The following MBTPS2 variants were observed in gnomAD, a reference collection of about 807,000 sequenced individuals.
The protein encoded by MBTPS2 is membrane-bound transcription factor site-2 protease.
In MBTPS2, 2 loss-of-function variants were observed where a neutral mutation model predicts 35.4. That is an observed-to-expected ratio of 0.06 (90% CI 0.02 to 0.18). The LOEUF (loss-of-function observed/expected upper bound fraction) is 0.18. Among genes scored for constraint, MBTPS2 ranks in the 10% least tolerant of loss-of-function variants. The pLI, the probability that MBTPS2 is intolerant of heterozygous loss-of-function variation, is 1.00. For missense variants in MBTPS2, 244 were observed against 386.5 expected (o/e 0.63, Z 3.09); for synonymous variants, 125 against 140.4 (o/e 0.89, Z 0.77).
chrX:21,860,030 T>C (rs1229579469), intron 5 of MBTPS2, among the ~76,000 whole-genome samples: 1 of 105,040 alleles, frequency 9.5e-6, no homozygotes, highest in Non-Finnish European at 1.9e-5. Flanking sequence ...AAGTCGAGGC[T>C]GCGGTGAGCC....
chrX:21,869,228 G>T (rs1326948276), intron 6 of MBTPS2, among the ~76,000 whole-genome samples: 1 of 111,957 alleles, frequency 8.9e-6, no homozygotes, highest in East Asian at 2.8e-4. Flanking sequence ...TTGGCAGTTT[G>T]GGAAAAAATT....
In MBTPS2 at chrX:21,882,428, C is replaced by T; in HGVS notation, c.1338-5C>T. ...CAGTTGGTTCCTTAACTGATTTTAA[C>T]CCAGGTACCTGATTTCCCTCTCAGG... On this transcript the variant is annotated splice_polypyrimidine_tract_variant and splice_region_variant and intron_variant, in intron 10 of 10. Transcript: ENST00000379484. 1.7e-6 allele frequency: 2 copies of T among 1,202,784 alleles called. No individual in the cohort carries two copies. Among genetic ancestry groups the T allele is most frequent in the Non-Finnish European group, 2.3e-6 (2 of 887,276 alleles).
rs1311438575 is a variant in MBTPS2 at position 21,883,954 on chromosome X, A to G, written c.*1299A>G. ...GCTTGCTGTTTCTTTGATGGAAAAT[A>G]CATGCTTCTCTTGTATACTCAGAAG... On this transcript the variant is annotated 3_prime_UTR_variant, in exon 11 of 11. Coordinates refer to ENST00000379484, the MANE Select transcript of MBTPS2 (RefSeq NM_015884.4). The G allele has an allele frequency of 4.0e-6, 3 of 751,908 alleles. No individual in the cohort carries two copies. Among genetic ancestry groups the G allele is most frequent in the East Asian group, 1.5e-4 (1 of 6,579 alleles). 62.0% of individuals were successfully genotyped at this position (751,908 alleles called of 1,213,427 possible).
chrX:21,876,138 T>A (rs775495568), intron 7 of MBTPS2, among the ~76,000 whole-genome samples: 1 of 112,435 alleles, frequency 8.9e-6, no homozygotes, highest in South Asian at 3.7e-4. Flanking sequence ...ACTTTTTACC[T>A]TATACTTTAC....
At chrX:21,877,710 A>G (rs2092954726) in intron 7 of MBTPS2, among the ~76,000 whole-genome samples, 1 of 112,015 alleles carries the variant, frequency 8.9e-6, no homozygotes, top group Non-Finnish European at 1.9e-5. Flanking sequence ...TCAGGCACAT[A>G]ATAGTAGTTC....
Position 21,882,650 on chromosome X carries a change from C to T in MBTPS2, c.1555C>T (p.Arg519Trp), listed in dbSNP as rs758206338. ...VTLGLWMVTAR is the reference protein window; with the variant it reads ...VTLGLWMVTAW ...CCTGGGACTCTGGATGGTTACAGCA[C>T]GGTAATGTTTGCACTCATCTGACAG... Residue 519 changes from arginine (R) to tryptophan (W), a missense_variant, in exon 11 of 11, where the codon CGG becomes TGG. Transcript: ENST00000379484. The T allele has an allele frequency of 4.1e-6, 5 of 1,209,314 alleles. No individual in the cohort carries two copies. The highest frequency in any genetic ancestry group is 5.6e-6 in the Non-Finnish European group (5 of 893,631).
At position 21,840,814 on chromosome X, in the gene MBTPS2, T is replaced by C. The variant is rs948154089; in HGVS notation, c.75+1005T>C. On this transcript the variant is annotated intron_variant, in intron 1 of 10. Coordinates refer to ENST00000379484, the MANE Select transcript of MBTPS2 (RefSeq NM_015884.4). Reference sequence around the variant, plus strand: ...AACTTGTAAAGTGCAGGAGGTTACATAGCGTAGTCCTTAGATCCAGGGCTG... The same window carrying C: ...AACTTGTAAAGTGCAGGAGGTTACACAGCGTAGTCCTTAGATCCAGGGCTG... Among the ~76,000 whole-genome samples, 15 of 112,313 alleles carry C rather than the reference T, an allele frequency of 1.3e-4. 1 individual carries two copies. Among genetic ancestry groups the C allele is most frequent in the African/African-American group, 4.9e-4 (15 of 30,907 alleles).
chrX:21,851,733 C>G, intron 4 of MBTPS2, 121 bp downstream of exon 4: 1 of 539,164 alleles, frequency 1.9e-6, no homozygotes. Flanking sequence ...CGGCTATTGC[C>G]TAGTGCATAG....
At chrX:21,862,945 T>TATATATATATATATATATATA (rs2092934397) in intron 5 of MBTPS2, among the ~76,000 whole-genome samples, 1 of 47,955 alleles carries the variant, frequency 2.1e-5, no homozygotes, top group Non-Finnish European at 3.5e-5. Context: ...TATATATATA[T>TATATATATATATATATATATA]ATATATATAT....
intron 7 of MBTPS2, chrX:21,872,100 A>G (rs1378096597): frequency 9.0e-6 from 1 of 111,630 alleles, no homozygotes; most frequent in African/African-American, 3.2e-5. Flanking sequence ...TTAAGATGAC[A>G]GAAGATTAAT....
intron 4 of MBTPS2, among the ~76,000 whole-genome samples, chrX:21,851,871 G>A (rs1363840655): frequency 9.0e-6 from 1 of 111,408 alleles, no homozygotes; most frequent in Non-Finnish European, 1.9e-5. Flanking sequence ...TTCCAGTGTG[G>A]TTATCCTCAT....
intron 3 of MBTPS2, among the ~76,000 whole-genome samples, chrX:21,846,169 T>A (rs2092908466): frequency 9.0e-6 from 1 of 111,145 alleles, no homozygotes; most frequent in African/African-American, 3.3e-5. Flanking sequence ...ATAGCTCTTT[T>A]TTAGAGATTA....
At chrX:21,845,746 C>A (rs1393217971) in intron 3 of MBTPS2, among the ~76,000 whole-genome samples, 1 of 112,345 alleles carries the variant, frequency 8.9e-6, no homozygotes, top group East Asian at 2.8e-4. Flanking sequence ...TAATTATATG[C>A]AAAGTGTTTC....
intron 7 of MBTPS2, 127 bp from the exon 8 acceptor site, chrX:21,877,915 C>A: frequency 2.1e-6 from 1 of 484,493 alleles, no homozygotes; most frequent in East Asian, 3.6e-5. Context: ...TCAAGCTGAA[C>A]TCTGAATTAT....
intron 9 of MBTPS2, among the ~76,000 whole-genome samples, chrX:21,880,349 TAC>T (rs2092958030): frequency 1.8e-5 from 2 of 111,694 alleles, no homozygotes; most frequent in African/African-American, 6.5e-5. Flanking sequence ...GACACTAAAT[TAC>T]TGTAGACTGT....
intron 7 of MBTPS2, chrX:21,870,294 A>G (rs2092945766): frequency 9.0e-6 from 1 of 110,923 alleles, no homozygotes; most frequent in African/African-American, 3.3e-5. Flanking sequence ...AAATACCCCA[A>G]TATAATATTA....
At chrX:21,856,473 T>C in intron 5 of MBTPS2, 2 of 1,199,358 alleles carry the variant, frequency 1.7e-6, no homozygotes, top group Non-Finnish European at 2.3e-6. Context: ...CTAACCTAAC[T>C]AACTCTCAGC....
At chrX:21,853,345 G>C in intron 4 of MBTPS2, 31 bp from the exon 5 acceptor site, 1 of 1,105,666 alleles carries the variant, frequency 9.0e-7, no homozygotes, top group Non-Finnish European at 1.2e-6. Context: ...AATAGTATTA[G>C]TAAACTCCTT....
At chrX:21,846,616 C>T (rs1475551509) in intron 3 of MBTPS2, among the ~76,000 whole-genome samples, 1 of 112,180 alleles carries the variant, frequency 8.9e-6, no homozygotes, top group African/African-American at 3.2e-5. Context: ...ATGATCCACC[C>T]GCCTTGGCCT....
Sources: gnomAD v4.1 joint callset for allele counts (sites outside exome capture counted in the v4.1 genomes callset) on GRCh38, gnomAD v4.1.1 for gene constraint, MANE v1.5 for transcripts, NCBI Gene and HGNC (gene_info 2026-07-23, HGNC 2026-07-21) for gene names.